The following CDH18 variants were observed in gnomAD, a reference collection of about 807,000 sequenced individuals.
The protein encoded by CDH18 is cadherin-18.
In CDH18, 31 loss-of-function variants were observed where a neutral mutation model predicts 67.9. The observed-to-expected ratio is 0.46, with a 90% CI of 0.34 to 0.62. CDH18 has a LOEUF of 0.62. Among genes scored for constraint, CDH18 ranks in the 20% least tolerant of loss-of-function variants. CDH18 has a pLI of 0.01. For synonymous variants in CDH18, 362 were observed against 347.2 expected, an observed-to-expected ratio of 1.04 and a Z score of -0.48; for missense variants, 890 against 975.5, an observed-to-expected ratio of 0.91 and a Z score of 1.17.
At chr5:20,151,907 C>T (rs2126571909) in intron 2 of CDH18, among the ~76,000 whole-genome samples, 1 of 151,370 alleles carries the variant, frequency 6.6e-6, no homozygotes, top group East Asian at 1.9e-4. Flanking sequence ...TAAGTGTTAG[C>T]AATTAGTAGT....
chr5:19,797,868 T>C (rs189217911), intron 3 of CDH18, among the ~76,000 whole-genome samples: 1 of 152,152 alleles, frequency 6.6e-6, no homozygotes, highest in East Asian at 1.9e-4. Flanking sequence ...CTTCAATTAA[T>C]TAAAACACTC....
chr5:19,916,402 C>T (rs1238622777), intron 2 of CDH18, among the ~76,000 whole-genome samples: 6 of 152,180 alleles, frequency 3.9e-5, no homozygotes, highest in Non-Finnish European at 5.9e-5. Context: ...TCAATCCCCA[C>T]CTTCTCAGTG....
At chr5:20,198,075 C>T (rs1561869561) in intron 2 of CDH18, among the ~76,000 whole-genome samples, 1 of 152,182 alleles carries the variant, frequency 6.6e-6, no homozygotes, top group African/African-American at 2.4e-5. Context: ...TTTCCTGAGG[C>T]ATCCCCAGCC....
chr5:20,073,870 A>G (rs1056462990), intron 2 of CDH18, among the ~76,000 whole-genome samples: 3 of 152,098 alleles, frequency 2.0e-5, no homozygotes, highest in African/African-American at 7.2e-5. Context: ...GGAATTTCTG[A>G]GATTTGGTGG....
intron 5 of CDH18, among the ~76,000 whole-genome samples, chr5:19,713,698 T>C (rs545944757): frequency 6.6e-6 from 1 of 152,284 alleles, no homozygotes; most frequent in Admixed American, 6.5e-5. Context: ...TAAATATGCA[T>C]TCTCAGTGGA....
chr5:19,745,415 A>C (rs752621187), intron 4 of CDH18, among the ~76,000 whole-genome samples: 7 of 152,078 alleles, frequency 4.6e-5, no homozygotes, highest in Non-Finnish European at 1.0e-4. Flanking sequence ...TGGTTATGAC[A>C]GTTTCCTTTG....
chr5:20,283,708 C>A (rs1201149755), intron 1 of CDH18, among the ~76,000 whole-genome samples: 3 of 152,012 alleles, frequency 2.0e-5, no homozygotes, highest in African/African-American at 7.2e-5. Flanking sequence ...CCTCAAACAA[C>A]TGAAAATAGA....
chr5:20,080,061 TG>T, intron 2 of CDH18, among the ~76,000 whole-genome samples: 1 of 152,180 alleles, frequency 6.6e-6, no homozygotes, highest in Non-Finnish European at 1.5e-5. Context: ...ATATGAATTT[TG>T]GGGGAACGCA....
Position 19,490,394 on chromosome 5 carries a change from G to GTTTTTTTTTTTT in CDH18, c.1631-6854_1631-6843dup, listed in dbSNP as rs70950073. On this transcript the variant is annotated intron_variant, in intron 11 of 12. Coordinates refer to ENST00000382275, the MANE Select transcript of CDH18 (RefSeq NM_004934.5). ...TGATATATCACATATATAAAAATCT[G>GTTTTTTTTTTTT]TTTTTTTTTTTTTTTTTTTTTTTTT... Among the ~76,000 whole-genome samples the GTTTTTTTTTTTT allele has an allele frequency of 9.5e-4, 57 of 60,214 alleles. 4 individuals are homozygous for GTTTTTTTTTTTT. The highest frequency in any genetic ancestry group is 1.5e-3 in the African/African-American group (22 of 14,914). The allele number at this position is 60,214 out of a possible 152,430, so 39.5% of individuals were successfully genotyped here. A position where few individuals can be genotyped will look rare whatever the true frequency, so the allele number is the denominator to read the frequency against.
intron 12 of CDH18, among the ~76,000 whole-genome samples, chr5:19,476,333 G>A (rs767359086): frequency 9.2e-5 from 14 of 152,052 alleles, no homozygotes; most frequent in Non-Finnish European, 1.9e-4. Flanking sequence ...AAAATGAAAT[G>A]TTGGTGCTAC....
At chr5:20,133,172 A>G (rs1371385107) in intron 2 of CDH18, among the ~76,000 whole-genome samples, 1 of 152,084 alleles carries the variant, frequency 6.6e-6, no homozygotes, top group Non-Finnish European at 1.5e-5. Context: ...TGATGATTCC[A>G]TTTGTATTAG....
At chr5:20,503,598 G>T (rs1754469573) in intron 1 of CDH18, among the ~76,000 whole-genome samples, 1 of 152,078 alleles carries the variant, frequency 6.6e-6, no homozygotes, top group Admixed American at 6.6e-5. Context: ...CCAAGAGTGG[G>T]GCAATAGAAG....
chr5:20,242,618 A>ATACATATATATATATATACATG lies in CDH18; in HGVS notation c.-518+12825_-518+12826insCATGTATATATATATATATGTA, dbSNP rs1561905936. Among the ~76,000 whole-genome samples the ATACATATATATATATATACATG allele has an allele frequency of 7.6e-4, 94 of 124,060 alleles. 11 individuals are homozygous for ATACATATATATATATATACATG. The highest frequency in any genetic ancestry group is 3.1e-3 in the African/African-American group (89 of 28,996). The allele number at this position is 124,060 out of a possible 152,430, so 81.4% of individuals were successfully genotyped here. A position where few individuals can be genotyped will look rare whatever the true frequency, so the allele number is the denominator to read the frequency against. The stretch of plus-strand genomic sequence containing the variant: ...AGGGAAAAAAAAAAAAAAAATATAT[A>ATACATATATATATATATACATG]TATATATATATATATGTATATATAT... On this transcript the variant is annotated intron_variant, in intron 2 of 14. Transcript: ENST00000507958.
chr5:20,189,607 G>T (rs923177887), intron 2 of CDH18, among the ~76,000 whole-genome samples: 8 of 152,220 alleles, frequency 5.3e-5, no homozygotes, highest in African/African-American at 1.7e-4. Flanking sequence ...ATAGCCAAAG[G>T]CTAGAGAGGA....
chr5:20,439,671 C>T (rs10155568), intron 1 of CDH18, among the ~76,000 whole-genome samples: 5,677 of 151,588 alleles, frequency 0.037, 481 homozygotes, highest in African/African-American at 0.13. Flanking sequence ...ATGGCCCAAT[C>T]GAAACACTGT....
At chr5:19,935,172 A>G (rs747387498) in intron 2 of CDH18, among the ~76,000 whole-genome samples, 3 of 151,284 alleles carry the variant, frequency 2.0e-5, no homozygotes, top group Admixed American at 1.3e-4. Flanking sequence ...GTTCATTAGA[A>G]ATATACCTGT....
At chr5:19,512,318 C>A (rs1745255987) in intron 10 of CDH18, among the ~76,000 whole-genome samples, 1 of 152,088 alleles carries the variant, frequency 6.6e-6, no homozygotes, top group South Asian at 2.1e-4. Flanking sequence ...AGTCCGAAAA[C>A]AATGTCTGAT....
At chr5:20,075,175 G>A (rs1349785559) in intron 2 of CDH18, among the ~76,000 whole-genome samples, 1 of 152,038 alleles carries the variant, frequency 6.6e-6, no homozygotes, top group Non-Finnish European at 1.5e-5. Context: ...TAACTCTTTG[G>A]GTCCTTGGAC....
Position 20,220,754 on chromosome 5 carries a change from T to C in CDH18, c.-518+34690A>G, listed in dbSNP as rs1473565430. 2.6e-5 allele frequency among the ~76,000 whole-genome samples: 4 copies of C among 151,706 alleles called. No homozygotes were observed. In the East Asian group the frequency reaches 5.8e-4, roughly 22 times the overall value. On this transcript the variant is annotated intron_variant, in intron 2 of 14. Coordinates refer to the CDH18 transcript ENST00000507958. ...ACAAGGGATTAATAACCAGAATATATAAGGAGCCAGGCAACTCTATAGGAA... is the reference window on the plus strand; with the variant it reads ...ACAAGGGATTAATAACCAGAATATACAAGGAGCCAGGCAACTCTATAGGAA...
Sources: allele counts gnomAD v4.1 joint callset (sites outside exome capture counted in the v4.1 genomes callset), GRCh38; gene constraint gnomAD v4.1.1; transcripts MANE v1.5; gene names NCBI Gene and HGNC (gene_info 2026-07-23, HGNC 2026-07-21).